The following CCDC171 variants were observed in gnomAD, a reference collection of about 807,000 sequenced individuals.
CCDC171 encodes coiled-coil domain containing 171, also known as coiled-coil domain-containing protein 171.
CCDC171 carries 177 observed loss-of-function variants against 168.2 expected under a neutral mutation model. The observed-to-expected ratio is 1.05, with a 90% CI of 0.93 to 1.19. The LOEUF is 1.19. CCDC171 is among the 50% of genes most tolerant of loss of function. The pLI is 0.00. For missense variants in CCDC171, 1,991 were observed against 1,539.0 expected, an observed-to-expected ratio of 1.29 and a Z score of -4.91; for synonymous variants, 687 against 540.8, an observed-to-expected ratio of 1.27 and a Z score of -3.75.
intron 25 of CCDC171, among the ~76,000 whole-genome samples, chr9:15,928,960 A>G (rs1826198077): frequency 6.6e-6 from 1 of 151,682 alleles, no homozygotes; most frequent in Non-Finnish European, 1.5e-5. Flanking sequence ...AAGAAGATGC[A>G]CTTTCATCAT....
intron 20 of CCDC171, among the ~76,000 whole-genome samples, chr9:15,780,177 G>T (rs2057588419): frequency 2.0e-5 from 3 of 152,200 alleles, no homozygotes; most frequent in Admixed American, 2.0e-4. Flanking sequence ...AGGGCAAAGA[G>T]TTCCTATGAA....
chr9:15,634,432 T>A (rs185262026), intron 7 of CCDC171, among the ~76,000 whole-genome samples: 1 of 152,300 alleles, frequency 6.6e-6, no homozygotes, highest in Admixed American at 6.5e-5. Flanking sequence ...TGATGCTGTT[T>A]AATGTGCAGA....
At chr9:15,682,566 C>G (rs933733364) in intron 10 of CCDC171, among the ~76,000 whole-genome samples, 1 of 151,802 alleles carries the variant, frequency 6.6e-6, no homozygotes, top group East Asian at 1.9e-4. Flanking sequence ...TAATTACTAT[C>G]TCAAACATTT....
intron 24 of CCDC171, among the ~76,000 whole-genome samples, chr9:15,906,613 A>G (rs1242607219): frequency 6.6e-6 from 1 of 152,200 alleles, no homozygotes; most frequent in Non-Finnish European, 1.5e-5. Context: ...AAACTGGCCC[A>G]AGACAGGGAT....
At chr9:15,955,856 A>ATG (rs969485908) in intron 25 of CCDC171, among the ~76,000 whole-genome samples, 8 of 151,822 alleles carry the variant, frequency 5.3e-5, no homozygotes, top group Non-Finnish European at 1.0e-4. Flanking sequence ...ACGTGTGTGT[A>ATG]TGTGTGTGTG....
chr9:15,650,618 A>G (rs897457837), intron 7 of CCDC171, among the ~76,000 whole-genome samples: 3 of 152,068 alleles, frequency 2.0e-5, no homozygotes, highest in Admixed American at 1.3e-4. Context: ...GGATACTAGA[A>G]CGTGCTCAGA....
intron 2 of CCDC171, 79 bp from the exon 3 acceptor site, chr9:15,571,543 TAA>T: frequency 8.3e-7 from 1 of 1,202,940 alleles, no homozygotes; most frequent in Non-Finnish European, 1.1e-6. Flanking sequence ...TTTTGAAAAA[TAA>T]GTTATCAAAA....
chr9:16,095,466 C>T, the CCDC171 span, among the ~76,000 whole-genome samples: 2 of 152,126 alleles, frequency 1.3e-5, no homozygotes, highest in Non-Finnish European at 2.9e-5. Context: ...TTCTTTCTCT[C>T]TCCCCACTCT....
chr9:15,764,977 C>G (rs2135159344), intron 18 of CCDC171, among the ~76,000 whole-genome samples: 1 of 152,236 alleles, frequency 6.6e-6, no homozygotes, highest in South Asian at 2.1e-4. Flanking sequence ...GCAAAGGATT[C>G]TGAAGAATAG....
At chr9:16,098,890 A>T in the CCDC171 span, among the ~76,000 whole-genome samples, 2 of 152,220 alleles carry the variant, frequency 1.3e-5, no homozygotes, top group African/African-American at 2.4e-5. Flanking sequence ...GTGGGCACGG[A>T]TGTTCCTAGA....
chr9:15,790,954 A>G (rs1222554422), intron 21 of CCDC171, among the ~76,000 whole-genome samples: 2 of 152,092 alleles, frequency 1.3e-5, no homozygotes, highest in African/African-American at 4.8e-5. Flanking sequence ...CCATTGGTCT[A>G]TATCTCTGTT....
chr9:15,680,276 A>G (rs2049951883), intron 10 of CCDC171, among the ~76,000 whole-genome samples: 1 of 152,204 alleles, frequency 6.6e-6, no homozygotes, highest in South Asian at 2.1e-4. Flanking sequence ...GGACCCCACC[A>G]TGGAGGGTGT....
At chr9:16,050,899 G>A (rs569614339) in intron 1 of CCDC171, among the ~76,000 whole-genome samples, 27 of 152,222 alleles carry the variant, frequency 1.8e-4, no homozygotes, top group Non-Finnish European at 2.8e-4. Context: ...TAAAGCTGAC[G>A]CACACAATTA....
At chr9:15,947,330 T>G (rs1828525263) in intron 25 of CCDC171, among the ~76,000 whole-genome samples, 1 of 152,032 alleles carries the variant, frequency 6.6e-6, no homozygotes, top group South Asian at 2.1e-4. Context: ...ACCCTACTTG[T>G]ATACCCATTA....
intron 1 of CCDC171, among the ~76,000 whole-genome samples, chr9:15,556,107 A>C (rs1586927732): frequency 6.6e-6 from 1 of 152,188 alleles, no homozygotes; most frequent in East Asian, 1.9e-4. Flanking sequence ...GGTTGGTTCC[A>C]AGTGTTTGCT....
intron 24 of CCDC171, among the ~76,000 whole-genome samples, chr9:15,904,540 G>A (rs932010481): frequency 1.4e-4 from 21 of 151,998 alleles, no homozygotes; most frequent in African/African-American, 3.9e-4. Context: ...CATGGAAAGG[G>A]ACAACCAGTA....
At chr9:16,064,115 ACCT>A (rs1156451320), downstream of CCDC171, among the ~76,000 whole-genome samples, 1 of 152,160 alleles carries the variant, frequency 6.6e-6, no homozygotes, top group Non-Finnish European at 1.5e-5. Flanking sequence ...AAATTAGGCC[ACCT>A]CCAACCTAAA....
In CCDC171 at chr9:15,705,439, A is replaced by G. The variant is rs138604755; in HGVS notation, c.1318+10102A>G. 3.7e-3 allele frequency among the ~76,000 whole-genome samples: 558 copies of G among 151,976 alleles called. 5 individuals carry two copies. The highest frequency in any genetic ancestry group is 0.012 in the African/African-American group (504 of 41,420). ...TCCCACTACTCTCCCCTCCTTCCCT[A>G]TGTTTGGGCCACTCTAGCTTCTTGC... On this transcript the variant is annotated intron_variant, in intron 11 of 25. Transcript: ENST00000380701.
chr9:15,644,443 G>A (rs10962106), intron 7 of CCDC171, among the ~76,000 whole-genome samples: 68,757 of 151,840 alleles, frequency 0.45, 15,869 homozygotes, highest in Non-Finnish European at 0.51. Flanking sequence ...GCAGGGTGAG[G>A]CATCGTCTCA....
Sources: allele counts gnomAD v4.1 joint callset (sites outside exome capture counted in the v4.1 genomes callset), GRCh38; gene constraint gnomAD v4.1.1; transcripts MANE v1.5; gene names NCBI Gene and HGNC (gene_info 2026-07-23, HGNC 2026-07-21).